ZBED6: variants seen among roughly 807,000 people sequenced by gnomAD.
The protein encoded by ZBED6 is zinc finger BED-type containing 6, also known as zinc finger BED domain-containing protein 6.
A neutral mutation model predicts 58.4 loss-of-function variants in ZBED6; 40 were observed. That is an observed-to-expected ratio of 0.68 (90% CI 0.53 to 0.89). The LOEUF (loss-of-function observed/expected upper bound fraction) is 0.89, where lower values mean the gene tolerates loss of function less well. Ranked by LOEUF, ZBED6 falls within the 40% of genes least tolerant of loss-of-function variation. The pLI, the probability that ZBED6 is intolerant of heterozygous loss-of-function variation, is 0.00. For synonymous variants in ZBED6, 439 were observed against 350.6 expected (o/e 1.25, Z -2.82); for missense variants, 1,057 against 1,003.9 (o/e 1.05, Z -0.71).
At chr1:203,803,932 AGAT>A (rs1294486442) in intron 1 of ZBED6, among the ~76,000 whole-genome samples, 1 of 152,088 alleles carries the variant, frequency 6.6e-6, no homozygotes, top group Non-Finnish European at 1.5e-5. Flanking sequence ...TAATGATTCT[AGAT>A]GATTTTATAA....
chr1:203,830,057 T>C, intron 6 of ZBED6, 66 bp from the exon 7 acceptor site: 1 of 1,392,396 alleles, frequency 7.2e-7, no homozygotes, highest in Middle Eastern at 1.8e-4. Context: ...ATGCCTGCTA[T>C]GTACAGATAA....
intron 6 of ZBED6, 94 bp from the exon 7 acceptor site, chr1:203,830,029 T>C (rs1572175771): frequency 7.6e-7 from 1 of 1,318,222 alleles, no homozygotes. Context: ...TTTCTGTTGA[T>C]CATTTATTCA....
chr1:203,848,205 G>T, intron 12 of ZBED6, 126 bp from the exon 13 acceptor site: 1 of 792,424 alleles, frequency 1.3e-6, no homozygotes, highest in East Asian at 2.7e-5. Flanking sequence ...GAGCACAGAT[G>T]GGCTTTATCT....
intron 3 of ZBED6, among the ~76,000 whole-genome samples, chr1:203,819,060 T>A (rs1677322540): frequency 8.4e-6 from 1 of 119,704 alleles, no homozygotes; most frequent in African/African-American, 3.1e-5. Flanking sequence ...AGAGCAACAC[T>A]CCGTCTCAAA....
Position 203,850,006 on chromosome 1 carries a change from C to A in ZBED6, c.*4618C>A, listed in dbSNP as rs11240604. On this transcript the variant is annotated 3_prime_UTR_variant, in exon 14 of 17. Transcript: ENST00000550078. Reference sequence around the variant, plus strand: ...TTGAATGTGAAATGTGCAGCACAGACCTTGGAAAAAAGGGGTAAAGGCAAG... The same window carrying A: ...TTGAATGTGAAATGTGCAGCACAGAACTTGGAAAAAAGGGGTAAAGGCAAG... The A allele has an allele frequency of 2.9e-4, 475 of 1,613,094 alleles. 3 individuals carry two copies. In the African/African-American group the frequency reaches 5.5e-3, roughly 19 times the overall value.
intron 11 of ZBED6, among the ~76,000 whole-genome samples, chr1:203,844,340 A>G (rs972797144): frequency 6.6e-6 from 1 of 151,418 alleles, no homozygotes; most frequent in African/African-American, 2.4e-5. Context: ...TTGTATTTTT[A>G]GTAGAGACGG....
intron 3 of ZBED6, among the ~76,000 whole-genome samples, chr1:203,826,385 A>C (rs1680544190): frequency 6.7e-6 from 1 of 149,674 alleles, no homozygotes; most frequent in African/African-American, 2.5e-5. Context: ...ATAATAATTA[A>C]TTCTTTTTAA....
chr1:203,831,624 A>G (rs1341288558), intron 7 of ZBED6, 37 bp from the exon 8 acceptor site: 3 of 1,568,162 alleles, frequency 1.9e-6, no homozygotes, highest in South Asian at 1.1e-5. Flanking sequence ...ATTATTTTCC[A>G]TAAATTATTT....
exon 7 of ZBED6, chr1:203,830,193 G>C: frequency 6.2e-7 from 1 of 1,601,120 alleles, no homozygotes; most frequent in Non-Finnish European, 8.5e-7. Flanking sequence ...AAAAATCTAA[G>C]AAGCAAGGTG....
intron 1 of ZBED6, among the ~76,000 whole-genome samples, chr1:203,810,164 G>C (rs1416326610): frequency 4.0e-5 from 6 of 150,168 alleles, no homozygotes; most frequent in African/African-American, 1.5e-4. Context: ...TTTTTTAAGA[G>C]ATGAGGTCTG....
intron 1 of ZBED6, among the ~76,000 whole-genome samples, chr1:203,807,350 A>G (rs1469156834): frequency 6.6e-6 from 1 of 152,202 alleles, no homozygotes; most frequent in Non-Finnish European, 1.5e-5. Context: ...CAGTGATGTG[A>G]TCATAGCTCA....
At chr1:203,818,472 C>T in intron 2 of ZBED6, 98 bp from the exon 3 acceptor site, 1 of 1,516,954 alleles carries the variant, frequency 6.6e-7, no homozygotes, top group Non-Finnish European at 9.0e-7. Flanking sequence ...CTTTCTTACT[C>T]ATTTGTGCTT....
At chr1:203,851,728 TG>T (rs1226353161) in intron 16 of ZBED6, among the ~76,000 whole-genome samples, 1 of 151,998 alleles carries the variant, frequency 6.6e-6, no homozygotes, top group Non-Finnish European at 1.5e-5. Context: ...TTTGGGAGAC[TG>T]GGGCTGGAGA....
At chr1:203,798,352 C>G (rs1370447502) in exon 1 of ZBED6, 1 of 1,535,308 alleles carries the variant, frequency 6.5e-7, no homozygotes, top group African/African-American at 1.4e-5. Context: ...TACACTGATC[C>G]TCAGCACATC....
exon 4 of ZBED6, chr1:203,828,378 A>G (rs768147422): frequency 6.2e-7 from 1 of 1,613,982 alleles, no homozygotes; most frequent in Non-Finnish European, 8.5e-7. Flanking sequence ...TTCCATCACA[A>G]TAGAGGACGA....
At chr1:203,846,693 G>T (rs751234819) in intron 11 of ZBED6, among the ~76,000 whole-genome samples, 1 of 152,068 alleles carries the variant, frequency 6.6e-6, no homozygotes, top group Non-Finnish European at 1.5e-5. Context: ...TGCTATTTTT[G>T]TTAAGATTTA....
exon 1 of ZBED6, chr1:203,802,528 A>G (rs568196606): frequency 1.3e-5 from 2 of 152,608 alleles, no homozygotes; most frequent in Admixed American, 6.5e-5. Context: ...TATTATACAG[A>G]TAATAAAGAT....
exon 1 of ZBED6, chr1:203,796,421 G>A (rs751106650): frequency 1.0e-4 from 41 of 398,938 alleles, no homozygotes; most frequent in Non-Finnish European, 1.6e-4. Flanking sequence ...GGAGTCAAGA[G>A]CAACAGGGAC....
At chr1:203,843,523 T>C (rs532974993) in intron 11 of ZBED6, among the ~76,000 whole-genome samples, 2 of 152,326 alleles carry the variant, frequency 1.3e-5, no homozygotes, top group South Asian at 4.1e-4. Context: ...TGACAATTTT[T>C]TTCCTGTAAA....
Sources: allele counts gnomAD v4.1 joint callset (sites outside exome capture counted in the v4.1 genomes callset), GRCh38; gene constraint gnomAD v4.1.1; transcripts MANE v1.5; gene names NCBI Gene and HGNC (gene_info 2026-07-23, HGNC 2026-07-21).